The following ARHGAP28 variants were observed in gnomAD, a reference collection of about 807,000 sequenced individuals.
The protein encoded by ARHGAP28 is rho GTPase-activating protein 28.
In ARHGAP28, 56 loss-of-function variants were observed where a neutral mutation model predicts 90.7. That is an observed-to-expected ratio of 0.62 (90% CI 0.50 to 0.77). ARHGAP28 has a LOEUF of 0.77. Among genes scored for constraint, ARHGAP28 ranks in the 30% least tolerant of loss-of-function variants. ARHGAP28 has a pLI of 0.00. For synonymous variants in ARHGAP28, 308 were observed against 323.3 expected (o/e 0.95, Z 0.51); for missense variants, 869 against 900.9 (o/e 0.96, Z 0.45).
At chr18:6,740,003 C>T (rs931686981) in intron 1 of ARHGAP28, among the ~76,000 whole-genome samples, 98 of 152,044 alleles carry the variant, frequency 6.4e-4, no homozygotes, top group African/African-American at 2.0e-3. Context: ...TATAGGCATG[C>T]GCCACCACAC....
chr18:6,809,397 G>T (rs1290639091), intron 1 of ARHGAP28, among the ~76,000 whole-genome samples: 1 of 152,150 alleles, frequency 6.6e-6, no homozygotes, highest in Non-Finnish European at 1.5e-5. Context: ...TAATGAGGGT[G>T]TATTAGTTCA....
At chr18:6,748,234 G>A (rs1244977100) in intron 1 of ARHGAP28, among the ~76,000 whole-genome samples, 1 of 152,128 alleles carries the variant, frequency 6.6e-6, no homozygotes, top group African/African-American at 2.4e-5. Flanking sequence ...TCGGTTCAAC[G>A]AACCAGTTAC....
chr18:6,821,738 T>C (rs79770564), intron 1 of ARHGAP28, among the ~76,000 whole-genome samples: 3,529 of 152,274 alleles, frequency 0.023, 149 homozygotes, highest in African/African-American at 0.081. Context: ...GTGTGTTACT[T>C]AGCTGCTCAT....
intron 16 of ARHGAP28, among the ~76,000 whole-genome samples, chr18:6,905,502 C>G (rs2057360580): frequency 6.6e-6 from 1 of 152,008 alleles, no homozygotes; most frequent in Non-Finnish European, 1.5e-5. Flanking sequence ...AATAAGAATG[C>G]CCACATTCAT....
chr18:6,830,287 T>C (rs924092234), intron 2 of ARHGAP28, among the ~76,000 whole-genome samples: 17 of 150,508 alleles, frequency 1.1e-4, no homozygotes, highest in Non-Finnish European at 2.2e-4. Context: ...ATTCACTCTT[T>C]CTTTTTTTTT....
In ARHGAP28 at chr18:6,837,327, A is replaced by G; in HGVS notation, c.456A>G (p.Arg152=). The G allele has an allele frequency of 1.9e-6, 3 of 1,613,830 alleles. No homozygotes were observed. Among genetic ancestry groups the G allele is most frequent in the Non-Finnish European group, 2.5e-6 (3 of 1,179,992 alleles). ...CCCAAGCAGCTGCCGTGCAAAAGAG[A>G]TACCATACCTATACCCAAACCATGA... is the stretch of plus-strand genomic sequence containing the variant. ...TRTQAAAVQK[R]YHTYTQTMRK... The change falls in exon 3 of 18, where the codon AGA becomes AGG. Residue 152 remains arginine (R), a synonymous_variant. Transcript: ENST00000383472.
At chr18:6,870,840 C>G in intron 7 of ARHGAP28, 108 bp downstream of exon 7, 6 of 1,238,110 alleles carry the variant, frequency 4.8e-6, no homozygotes, top group South Asian at 1.5e-5. Context: ...CGCTCTATTG[C>G]CCCAGGCTGG....
At chr18:6,819,400 G>T (rs536285632) in intron 1 of ARHGAP28, among the ~76,000 whole-genome samples, 1 of 152,218 alleles carries the variant, frequency 6.6e-6, no homozygotes, top group Non-Finnish European at 1.5e-5. Flanking sequence ...AAGTCTGAAG[G>T]AGCCAAGTTC....
rs1430827609 is a variant in ARHGAP28, at chr18:6,871,298, A to C, written c.954+566A>C. 2.6e-5 allele frequency among the ~76,000 whole-genome samples: 4 copies of C among 152,154 alleles called. No individual in the cohort carries two copies. In the East Asian group the frequency reaches 7.7e-4, roughly 29 times the overall value. ...TGTTTTACAAATGAAATAGGATTCT[A>C]CCTGCCTGGCTTGTGAGCTTTCTTG... On this transcript the variant is annotated intron_variant, in intron 7 of 17. Transcript: ENST00000383472.
At chr18:6,873,881 G>T (rs144083501) in intron 9 of ARHGAP28, 106 bp downstream of exon 9, 4 of 961,182 alleles carry the variant, frequency 4.2e-6, no homozygotes, top group South Asian at 1.5e-5. Context: ...AGACACTATC[G>T]CCCTATTAGG....
Position 6,859,798 on chromosome 18 carries a change from C to T in ARHGAP28, c.637-10C>T. ...CTGAATAAGAATGGTACTTTTATTT[C>T]TCCATTTAGCCAGATGATGCTTCTC... On this transcript the variant is annotated splice_polypyrimidine_tract_variant and intron_variant, in intron 4 of 17. Coordinates refer to ENST00000383472, the MANE Select transcript of ARHGAP28 (RefSeq NM_001366230.1). The T allele has an allele frequency of 1.9e-6, 3 of 1,611,910 alleles. No individual in the cohort carries two copies. The highest frequency in any genetic ancestry group is 2.5e-6 in the Non-Finnish European group (3 of 1,178,720).
At position 6,815,905 on chromosome 18, in the gene ARHGAP28, GT is replaced by G. The variant is rs59226074; in HGVS notation, c.123-8844del. Among the ~76,000 whole-genome samples the G allele has an allele frequency of 9.9e-3, 1,423 of 144,162 alleles. 43 individuals are homozygous for G. The highest frequency in any genetic ancestry group is 0.06 in the Admixed American group (867 of 14,400). 94.6% of individuals were successfully genotyped at this position (144,162 alleles called of 152,430 possible). A position where few individuals can be genotyped will look rare whatever the true frequency, so the allele number is the denominator to read the frequency against. On this transcript the variant is annotated intron_variant, in intron 1 of 17. Coordinates refer to ENST00000383472, the MANE Select transcript of ARHGAP28 (RefSeq NM_001366230.1). Reference sequence around the variant, plus strand: ...CCAACTTAATTACTGATGTGTCATTGTTTTTTTTTTTTTAAAGAAAGAATCC... The same window carrying G: ...CCAACTTAATTACTGATGTGTCATTGTTTTTTTTTTTTAAAGAAAGAATCC...
At chr18:6,778,053 G>T (rs778807383) in intron 1 of ARHGAP28, among the ~76,000 whole-genome samples, 16 of 152,124 alleles carry the variant, frequency 1.1e-4, no homozygotes, top group African/African-American at 1.9e-4. Flanking sequence ...TTAGCTCTTG[G>T]TTTTTTCCAA....
chr18:6,849,859 T>A (rs2056895922), intron 3 of ARHGAP28, among the ~76,000 whole-genome samples: 2 of 152,210 alleles, frequency 1.3e-5, no homozygotes, highest in South Asian at 4.1e-4. Flanking sequence ...CAGCTTTTTG[T>A]TTCTGATAAC....
intron 1 of ARHGAP28, among the ~76,000 whole-genome samples, chr18:6,762,476 G>T (rs1375617442): frequency 3.3e-5 from 5 of 152,072 alleles, no homozygotes; most frequent in South Asian, 4.1e-4. Flanking sequence ...AACATGCTAC[G>T]CATCCTCTTT....
intron 1 of ARHGAP28, among the ~76,000 whole-genome samples, chr18:6,743,212 A>G (rs1341874072): frequency 6.6e-6 from 1 of 152,240 alleles, no homozygotes; most frequent in African/African-American, 2.4e-5. Flanking sequence ...TAGCATTTTT[A>G]AAATGCAGAA....
intron 3 of ARHGAP28, 171 bp from the exon 4 acceptor site, chr18:6,850,863 T>A: frequency 1.3e-6 from 2 of 1,537,094 alleles, no homozygotes; most frequent in Admixed American, 2.0e-5. Flanking sequence ...ATCAATGTAA[T>A]TATGAATGAA....
chr18:6,850,706 A>C, intron 3 of ARHGAP28: 3 of 944,410 alleles, frequency 3.2e-6, no homozygotes, highest in Non-Finnish European at 4.6e-6. Flanking sequence ...ACATGATCAC[A>C]CTCAGTCTTT....
intron 1 of ARHGAP28, among the ~76,000 whole-genome samples, chr18:6,734,700 G>T (rs2055911152): frequency 6.6e-6 from 1 of 152,066 alleles, no homozygotes; most frequent in Non-Finnish European, 1.5e-5. Flanking sequence ...TTACTTCCAG[G>T]TGCTAACTCT....
Sources: allele counts gnomAD v4.1 joint callset (sites outside exome capture counted in the v4.1 genomes callset), GRCh38; gene constraint gnomAD v4.1.1; transcripts MANE v1.5; gene names NCBI Gene and HGNC (gene_info 2026-07-23, HGNC 2026-07-21).